Variants in RBFOX1 observed in about 807,000 individuals in gnomAD.
The protein encoded by RBFOX1 is RNA binding protein fox-1 homolog 1.
In RBFOX1, 8 loss-of-function variants were observed where a neutral mutation model predicts 57.7. That is an observed-to-expected ratio of 0.14 (90% confidence interval 0.08 to 0.25). RBFOX1 has a LOEUF of 0.25. Ranked by LOEUF, RBFOX1 falls within the 10% of genes least tolerant of loss-of-function variation. The probability of loss-of-function intolerance (pLI) is 1.00; values close to 1 mark genes in which losing one functional copy is unlikely to be tolerated. For missense variants in RBFOX1, 611 were observed against 548.5 expected (o/e 1.11, Z -1.14); for synonymous variants, 326 against 222.4 (o/e 1.47, Z -4.15).
At chr16:6,205,812 C>T (rs1372478204) in intron 1 of RBFOX1, among the ~76,000 whole-genome samples, 1 of 141,574 alleles carries the variant, frequency 7.1e-6, no homozygotes, top group Non-Finnish European at 1.5e-5. Flanking sequence ...ACTTTAAGTA[C>T]ATTCACAAAT....
At chr16:6,439,401 T>C (rs559520725) in intron 2 of RBFOX1, among the ~76,000 whole-genome samples, 32 of 152,310 alleles carry the variant, frequency 2.1e-4, no homozygotes, top group Non-Finnish European at 4.4e-4. Context: ...CAGAAACCAC[T>C]GTGGCTCTTA....
chr16:7,344,641 T>C (rs963823211), intron 4 of RBFOX1, among the ~76,000 whole-genome samples: 1 of 151,984 alleles, frequency 6.6e-6, no homozygotes, highest in Admixed American at 6.6e-5. Flanking sequence ...CCATTGGGGA[T>C]TTTTTCCTAA....
At chr16:6,415,259 A>T (rs943260264) in intron 2 of RBFOX1, among the ~76,000 whole-genome samples, 19 of 151,614 alleles carry the variant, frequency 1.3e-4, no homozygotes, top group East Asian at 1.2e-3. Flanking sequence ...AAAAAAAAAA[A>T]AAAAAAATAG....
rs9888899 is a variant in RBFOX1 at position 7,416,351 on chromosome 16, A to T, written c.28-101796A>T. On this transcript the variant is annotated intron_variant, in intron 4 of 15. Coordinates refer to ENST00000550418, the MANE Select transcript of RBFOX1 (RefSeq NM_018723.4). The stretch of plus-strand genomic sequence containing the variant: ...CTTTCTGTTGATCCATGCCCAACTA[A>T]TTTGATCAGAATAGAGGTTTTTATT... 5.1e-3 allele frequency among the ~76,000 whole-genome samples: 779 copies of T among 152,268 alleles called. 7 individuals are homozygous for T. Among genetic ancestry groups the T allele is most frequent in the African/African-American group, 0.018 (734 of 41,554 alleles).
intron 6 of RBFOX1, among the ~76,000 whole-genome samples, chr16:7,585,748 G>A (rs749823063): frequency 6.6e-6 from 1 of 152,122 alleles, no homozygotes; most frequent in Non-Finnish European, 1.5e-5. Flanking sequence ...GTCCATTCCA[G>A]AGGATAGCTA....
At chr16:5,690,416 C>A (rs2050638357) in intron 3 of RBFOX1, among the ~76,000 whole-genome samples, 2 of 152,174 alleles carry the variant, frequency 1.3e-5, no homozygotes, top group Admixed American at 6.5e-5. Context: ...AATCTGTTTA[C>A]AGCTCTACAA....
intron 2 of RBFOX1, among the ~76,000 whole-genome samples, chr16:6,524,055 A>T (rs953122529): frequency 4.6e-5 from 7 of 152,164 alleles, no homozygotes; most frequent in Admixed American, 3.9e-4. Flanking sequence ...GTTATTATTG[A>T]GTATAGTCAC....
chr16:7,219,774 A>T (rs2092579316), intron 4 of RBFOX1, among the ~76,000 whole-genome samples: 9 of 152,190 alleles, frequency 5.9e-5, no homozygotes, highest in Admixed American at 5.9e-4. Flanking sequence ...AGCCAGACGG[A>T]TAATTTAATT....
At chr16:5,390,669 G>A (rs2066383894) in intron 1 of RBFOX1, among the ~76,000 whole-genome samples, 1 of 152,132 alleles carries the variant, frequency 6.6e-6, no homozygotes, top group Non-Finnish European at 1.5e-5. Flanking sequence ...ATCTTTGAAG[G>A]TGGCTGGAAT....
At chr16:7,045,165 C>G (rs145656888) in intron 3 of RBFOX1, among the ~76,000 whole-genome samples, 9 of 152,212 alleles carry the variant, frequency 5.9e-5, no homozygotes, top group African/African-American at 9.6e-5. Flanking sequence ...TGGATTGACT[C>G]AAATTGGCCA....
intron 4 of RBFOX1, among the ~76,000 whole-genome samples, chr16:7,074,402 C>T (rs1391605771): frequency 1.3e-5 from 2 of 151,990 alleles, no homozygotes; most frequent in Non-Finnish European, 2.9e-5. Context: ...ATGGCAAAAG[C>T]TGCAATTATT....
intron 3 of RBFOX1, among the ~76,000 whole-genome samples, chr16:5,679,988 A>C (rs2050282006): frequency 6.6e-6 from 1 of 152,196 alleles, no homozygotes; most frequent in Non-Finnish European, 1.5e-5. Context: ...GAAAAGGAGG[A>C]ACAAAGGAAT....
chr16:6,824,357 G>C (rs4786941), intron 3 of RBFOX1, among the ~76,000 whole-genome samples: 54,654 of 152,116 alleles, frequency 0.36, 11,717 homozygotes, highest in Non-Finnish European at 0.49. Flanking sequence ...ATTGAGCTGA[G>C]ATCATGCTAC....
intron 4 of RBFOX1, among the ~76,000 whole-genome samples, chr16:7,079,857 T>A (rs2153793859): frequency 6.6e-6 from 1 of 152,108 alleles, no homozygotes; most frequent in Non-Finnish European, 1.5e-5. Context: ...GGGAAGTTAT[T>A]ATTAAGTGAG....
At chr16:6,672,414 G>T (rs1039958972) in intron 3 of RBFOX1, among the ~76,000 whole-genome samples, 7 of 149,218 alleles carry the variant, frequency 4.7e-5, no homozygotes, top group Non-Finnish European at 3.0e-5. Flanking sequence ...AAGGACGGAT[G>T]GATGGAAGGA....
At chr16:6,317,704 C>T (rs975340442) in intron 2 of RBFOX1, among the ~76,000 whole-genome samples, 1 of 152,084 alleles carries the variant, frequency 6.6e-6, no homozygotes, top group Non-Finnish European at 1.5e-5. Context: ...TTTCTCAGCT[C>T]TCTTTTTTTA....
intron 4 of RBFOX1, among the ~76,000 whole-genome samples, chr16:7,319,328 C>A (rs1240691151): frequency 5.3e-5 from 8 of 152,098 alleles, no homozygotes; most frequent in Admixed American, 5.2e-4. Context: ...CATGTTGAGT[C>A]CAGACCTATG....
chr16:6,656,540 T>G (rs1243997506), intron 3 of RBFOX1, among the ~76,000 whole-genome samples: 2 of 150,900 alleles, frequency 1.3e-5, no homozygotes, highest in Non-Finnish European at 2.9e-5. Context: ...TGGGAAAAAG[T>G]CATTAATGGT....
In RBFOX1 at chr16:5,546,073, C is replaced by A. The variant is rs540868722; in HGVS notation, c.259-52829C>A. Among the ~76,000 whole-genome samples, 26 of 152,042 alleles carry A rather than the reference C, an allele frequency of 1.7e-4. No individual in the cohort carries two copies. The South Asian group carries it at 5.0e-3, about 29-fold the overall frequency. On this transcript the variant is annotated intron_variant, in intron 2 of 2. Coordinates refer to the RBFOX1 transcript ENST00000585867. ...AAAGTAAAAAATACTATCTGTAATA[C>A]TATCAAATGAAATAATAAGGAATAC...
Sources: gnomAD v4.1 joint callset for allele counts (sites outside exome capture counted in the v4.1 genomes callset) on GRCh38, gnomAD v4.1.1 for gene constraint, MANE v1.5 for transcripts, NCBI Gene and HGNC (gene_info 2026-07-23, HGNC 2026-07-21) for gene names.